Variants in TGIF1 observed in about 807,000 individuals in gnomAD.
TGIF1 encodes the protein TGFB induced factor homeobox 1, also known as homeobox protein TGIF1.
In TGIF1, 4 loss-of-function variants were observed where a neutral mutation model predicts 19.3. The observed-to-expected ratio is 0.21, with a 90% confidence interval of 0.10 to 0.47. TGIF1 has a LOEUF of 0.47. Among genes scored for constraint, TGIF1 ranks in the 20% least tolerant of loss-of-function variants. TGIF1 has a pLI of 0.98. For synonymous variants in TGIF1, 122 were observed against 129.3 expected, an observed-to-expected ratio of 0.94 and a Z score of 0.38; for missense variants, 275 against 341.4, an observed-to-expected ratio of 0.81 and a Z score of 1.53.
chr18:3,414,675 G>A (rs114331498), intron 1 of TGIF1, among the ~76,000 whole-genome samples: 3,484 of 152,242 alleles, frequency 0.023, 141 homozygotes, highest in African/African-American at 0.078. Flanking sequence ...AACAGATGAA[G>A]TCTCTCTCAA....
chr18:3,441,574 T>C (rs1418375044), intron 2 of TGIF1, among the ~76,000 whole-genome samples: 1 of 152,194 alleles, frequency 6.6e-6, no homozygotes, highest in Admixed American at 6.5e-5. Context: ...TTGTCAAATG[T>C]TCCCTGGAAG....
chr18:3,451,778 A>G lies in TGIF1; in HGVS notation c.16+1273A>G. 1 of 1,259,692 alleles carries G rather than the reference A, an allele frequency of 7.9e-7. No homozygotes were observed. The allele number at this position is 1,259,692 out of a possible 1,614,324, so 78.0% of individuals were successfully genotyped here. ...GGATCAACTGGCAGTCGTTGTTGGTAGAACGCCCTAAGGACCCCTCCCCGC... is the reference window on the plus strand; with the variant it reads ...GGATCAACTGGCAGTCGTTGTTGGTGGAACGCCCTAAGGACCCCTCCCCGC... On this transcript the variant is annotated intron_variant, in intron 1 of 2. Transcript: ENST00000343820. The surrounding 1 kb of genome is among the most constrained non-coding windows in gnomAD (Gnocchi z 5.4).
chr18:3,427,179 G>A (rs2082482169), intron 2 of TGIF1, among the ~76,000 whole-genome samples: 3 of 152,002 alleles, frequency 2.0e-5, no homozygotes. Flanking sequence ...CCTGACCTCA[G>A]GCAATCCACC....
chr18:3,455,410 G>C (rs2083135476), intron 1 of TGIF1: 2 of 152,230 alleles, frequency 1.3e-5, no homozygotes, highest in South Asian at 4.1e-4. Flanking sequence ...TTTCTGGCAG[G>C]ATTAAAGTAC....
chr18:3,452,067 T>A, intron 1 of TGIF1: 3 of 1,613,964 alleles, frequency 1.9e-6, no homozygotes, highest in Non-Finnish European at 2.5e-6. Flanking sequence ...TTCCTTTCCA[T>A]GGCCCGCCTC....
Position 3,451,653 on chromosome 18 carries a change from GGGTTCCTTCGGCTGC to G in TGIF1, c.16+1150_16+1164del, listed in dbSNP as rs1278874191. The G allele has an allele frequency of 8.7e-7, 1 of 1,143,056 alleles. No individual in the cohort carries two copies. Among genetic ancestry groups the G allele is most frequent in the Non-Finnish European group, 1.1e-6 (1 of 931,750 alleles). The allele number at this position is 1,143,056 out of a possible 1,614,324, so 70.8% of individuals were successfully genotyped here. A position where few individuals can be genotyped will look rare whatever the true frequency, so the allele number is the denominator to read the frequency against. The stretch of plus-strand genomic sequence containing the variant: ...CTGGGGGGTAGCCTCAAGGCCAGCG[GGGTTCCTTCGGCTGC>G]GTTTCTGTGGGAGGCCCTGAAACGC... On this transcript the variant is annotated intron_variant, in intron 1 of 2. Transcript: ENST00000343820. The surrounding 1 kb of genome is among the most constrained non-coding windows in gnomAD (Gnocchi z 5.4).
At chr18:3,425,279 A>G (rs1022723298) in intron 2 of TGIF1, among the ~76,000 whole-genome samples, 1 of 152,226 alleles carries the variant, frequency 6.6e-6, no homozygotes, top group African/African-American at 2.4e-5. Context: ...ATACCTGGGC[A>G]TAGGCCAAGC....
At chr18:3,450,695 AG>A (rs1458177269) in intron 1 of TGIF1, among the ~76,000 whole-genome samples, 190 bp downstream of exon 1, 3 of 152,042 alleles carry the variant, frequency 2.0e-5, no homozygotes, top group Admixed American at 6.5e-5. Flanking sequence ...ACACAACACG[AG>A]GGGCTGTTGT....
chr18:3,452,295 C>T (rs372356142), intron 1 of TGIF1: 119 of 1,612,100 alleles, frequency 7.4e-5, no homozygotes, highest in African/African-American at 3.7e-4. Context: ...TGGGCCCCGC[C>T]GGCCGCATCG....
In TGIF1 at chr18:3,457,815, C is replaced by A; in HGVS notation, c.694C>A (p.Leu232Ile). The change falls in exon 3 of 3, where the codon CTT becomes ATT. Residue 232 changes from leucine (L) to isoleucine (I), a missense_variant. Transcript: ENST00000343820. The surrounding 1 kb of genome is among the most constrained non-coding windows in gnomAD (Gnocchi z 4.9). ...SGPSTNTQSG[L>I]FNTPPPTPPD... ...ACCAAGTACGAATACACAGAGTGGT[C>A]TTTTCAACACTCCTCCCCCTACTCC... 1 of 1,613,316 alleles carries A rather than the reference C, an allele frequency of 6.2e-7. No homozygotes were observed. Among genetic ancestry groups the A allele is most frequent in the East Asian group, 2.2e-5 (1 of 44,876 alleles).
chr18:3,413,429 A>G (rs2082294378), intron 1 of TGIF1, among the ~76,000 whole-genome samples: 1 of 152,226 alleles, frequency 6.6e-6, no homozygotes, highest in Admixed American at 6.5e-5. Flanking sequence ...GAATTTTATT[A>G]AACCTGACAT....
rs1170110211 is a variant in TGIF1, at chr18:3,451,845, G to A, written c.16+1340G>A. ...TCGGGACAGGGAATTGGCCCTGGGA[G>A]AAAACGCGCGGGGGGCGTCCGAGAC... On this transcript the variant is annotated intron_variant, in intron 1 of 2. Coordinates refer to ENST00000343820, the MANE Select transcript of TGIF1 (RefSeq NM_003244.4). The surrounding 1 kb of genome is among the most constrained non-coding windows in gnomAD (Gnocchi z 5.4). The A allele has an allele frequency of 1.4e-6, 2 of 1,394,008 alleles. No individual in the cohort carries two copies. The highest frequency in any genetic ancestry group is 1.9e-6 in the Non-Finnish European group (2 of 1,073,896). The allele number at this position is 1,394,008 out of a possible 1,614,324, so 86.4% of individuals were successfully genotyped here.
intron 2 of TGIF1, among the ~76,000 whole-genome samples, chr18:3,422,604 C>G (rs72869754): frequency 6.6e-6 from 1 of 151,452 alleles, no homozygotes; most frequent in Non-Finnish European, 1.5e-5. Context: ...ACCACTCACT[C>G]ACCGACTCAC....
chr18:3,422,296 TAAAA>T (rs34822467), intron 2 of TGIF1, among the ~76,000 whole-genome samples: 65 of 80,408 alleles, frequency 8.1e-4, no homozygotes, highest in African/African-American at 2.0e-3. Context: ...GTTTAAAAAG[TAAAA>T]AAAAAAAAAA....
upstream of TGIF1, chr18:3,449,897 C>T (rs2082844754): frequency 1.5e-5 from 15 of 985,906 alleles, no homozygotes; most frequent in South Asian, 5.6e-4. Context: ...AAGGGAGAAA[C>T]CTGGGGCGCT....
rs2049449511 is a variant in TGIF1 at position 3,459,088 on chromosome 18, G to A, written c.*1148G>A. 1 of 152,128 alleles carries A rather than the reference G, an allele frequency of 6.6e-6. No individual in the cohort carries two copies. The highest frequency in any genetic ancestry group is 2.1e-4 in the South Asian group (1 of 4,816). The allele number at this position is 152,128 out of a possible 1,614,324, so 9.4% of individuals were successfully genotyped here. A position where few individuals can be genotyped will look rare whatever the true frequency, so the allele number is the denominator to read the frequency against. On this transcript the variant is annotated 3_prime_UTR_variant, in exon 3 of 3. Coordinates refer to ENST00000343820, the MANE Select transcript of TGIF1 (RefSeq NM_003244.4). ...AGCCCAGATGGCCAGAAGGGAATTGGTGTTGCTCCTTTCACTTGTATGGTT... is the reference window on the plus strand; with the variant it reads ...AGCCCAGATGGCCAGAAGGGAATTGATGTTGCTCCTTTCACTTGTATGGTT...
intron 2 of TGIF1, among the ~76,000 whole-genome samples, chr18:3,441,214 A>G (rs749862583): frequency 6.6e-6 from 1 of 152,202 alleles, no homozygotes; most frequent in Non-Finnish European, 1.5e-5. Context: ...ATGTGCTACA[A>G]CTATTTTTCC....
chr18:3,436,704 A>G (rs1179125690), intron 2 of TGIF1, among the ~76,000 whole-genome samples: 1 of 152,054 alleles, frequency 6.6e-6, no homozygotes, highest in Non-Finnish European at 1.5e-5. Context: ...CTGTAGTCCC[A>G]GCTACCCAGG....
At chr18:3,435,902 C>G (rs113663863) in intron 2 of TGIF1, among the ~76,000 whole-genome samples, 9,167 of 151,998 alleles carry the variant, frequency 0.06, 393 homozygotes, top group Middle Eastern at 0.088. Context: ...ACTCTGTCAC[C>G]CAGGCTGGAG....
Sources: gnomAD v4.1 joint callset for allele counts (sites outside exome capture counted in the v4.1 genomes callset) on GRCh38, gnomAD v4.1.1 for gene constraint, Gnocchi (gnomAD v3.1) non-coding constraint, MANE v1.5 for transcripts, NCBI Gene and HGNC (gene_info 2026-07-23, HGNC 2026-07-21) for gene names.